ZNF486: variants seen among roughly 807,000 people sequenced by gnomAD.
ZNF486 encodes zinc finger protein 486.
A neutral mutation model predicts 12.8 loss-of-function variants in ZNF486; 12 were observed. That is an observed-to-expected ratio of 0.94 (90% CI 0.60 to 1.52). The LOEUF (loss-of-function observed/expected upper bound fraction) is 1.52, where lower values mean the gene tolerates loss of function less well. Among genes scored for constraint, ZNF486 ranks in the 40% most tolerant of loss-of-function variants. ZNF486 has a pLI of 0.00. For synonymous variants in ZNF486, 231 were observed against 184.9 expected, an observed-to-expected ratio of 1.25 and a Z score of -2.02; for missense variants, 738 against 545.0, an observed-to-expected ratio of 1.35 and a Z score of -3.53.
At chr19:20,178,363 C>T (rs1052514794) in intron 1 of ZNF486, among the ~76,000 whole-genome samples, 4 of 152,208 alleles carry the variant, frequency 2.6e-5, no homozygotes, top group East Asian at 3.9e-4. Flanking sequence ...CCTGCCTCAG[C>T]CTCCTGAATA....
At chr19:20,174,571 G>C (rs1485070649) in intron 1 of ZNF486, among the ~76,000 whole-genome samples, 5 of 151,938 alleles carry the variant, frequency 3.3e-5, no homozygotes, top group African/African-American at 1.2e-4. Flanking sequence ...TGTATTTATA[G>C]TAGAGATGGT....
Position 20,197,115 on chromosome 19 carries a change from C to T in ZNF486, c.405C>T (p.His135=). Residue 135 remains histidine (H), a synonymous_variant, in exon 4 of 4, where the codon CAC becomes CAT. Transcript: ENST00000335117. ...AAAGTGTGGATGAGTGTAAGTTACACAAAAGAGGTTATAATGGACTTAACC... is the reference window on the plus strand; with the variant it reads ...AAAGTGTGGATGAGTGTAAGTTACATAAAAGAGGTTATAATGGACTTAACC... ...GCESVDECKL[H]KRGYNGLNQC... The T allele has an allele frequency of 6.2e-7, 1 of 1,613,708 alleles. No individual in the cohort carries two copies. Among genetic ancestry groups the T allele is most frequent in the Non-Finnish European group, 8.5e-7 (1 of 1,179,916 alleles).
chr19:20,174,556 G>A (rs1599696794), intron 1 of ZNF486, among the ~76,000 whole-genome samples: 1 of 151,888 alleles, frequency 6.6e-6, no homozygotes, highest in Admixed American at 6.6e-5. Context: ...TCCTGGCTAA[G>A]TTTTTGTATT....
At chr19:20,169,969 C>A (rs1012573571) in intron 1 of ZNF486, among the ~76,000 whole-genome samples, 2 of 148,842 alleles carry the variant, frequency 1.3e-5, no homozygotes, top group African/African-American at 5.0e-5. Context: ...CGGCTCACTG[C>A]AAGCTCCGCC....
At chr19:20,189,983 C>T (rs974525172) in intron 3 of ZNF486, among the ~76,000 whole-genome samples, 1 of 152,012 alleles carries the variant, frequency 6.6e-6, no homozygotes. Flanking sequence ...ATTTTTGTAT[C>T]GTTCAAGGAA....
At chr19:20,173,505 C>T (rs1214314593) in intron 1 of ZNF486, among the ~76,000 whole-genome samples, 3 of 152,086 alleles carry the variant, frequency 2.0e-5, no homozygotes, top group Non-Finnish European at 4.4e-5. Context: ...ATGCAAAACT[C>T]AGGTGTCCAA....
chr19:20,175,811 A>G (rs931360556), intron 1 of ZNF486, among the ~76,000 whole-genome samples: 9 of 152,108 alleles, frequency 5.9e-5, no homozygotes, highest in Non-Finnish European at 1.3e-4. Context: ...CAAAACAGCC[A>G]TTGTCATCAT....
Position 20,199,300 on chromosome 19 carries a change from T to G in ZNF486, c.*1198T>G, listed in dbSNP as rs1436895455. The G allele has an allele frequency of 6.6e-6, 1 of 152,214 alleles. No individual in the cohort carries two copies. Among genetic ancestry groups the G allele is most frequent in the Non-Finnish European group, 1.5e-5 (1 of 68,034 alleles). The allele number at this position is 152,214 out of a possible 1,614,324, so 9.4% of individuals were successfully genotyped here. A position where few individuals can be genotyped will look rare whatever the true frequency, so the allele number is the denominator to read the frequency against. The stretch of plus-strand genomic sequence containing the variant: ...ATAAAGAGGTTTGTAGTACCTTTGC[T>G]TGTATTACAGATCTTATTGCCCGCG... On this transcript the variant is annotated 3_prime_UTR_variant, in exon 4 of 4. Coordinates refer to ENST00000335117, the MANE Select transcript of ZNF486 (RefSeq NM_052852.4).
At position 20,167,303 on chromosome 19, in the gene ZNF486, T is replaced by A. The variant is rs782244975; in HGVS notation, c.-28T>A. 2 of 1,614,020 alleles carry A rather than the reference T, an allele frequency of 1.2e-6. No homozygotes were observed. The highest frequency in any genetic ancestry group is 8.5e-7 in the Non-Finnish European group (1 of 1,179,910). ...GCCCACCCTCTGTGGCCCTGTGTCC[T>A]GTAGGTATTGGGAGATCCACAGCCA... On this transcript the variant is annotated 5_prime_UTR_variant, in exon 1 of 4. Coordinates refer to ENST00000335117, the MANE Select transcript of ZNF486 (RefSeq NM_052852.4).
chr19:20,195,594 A>G (rs965575450), intron 3 of ZNF486, among the ~76,000 whole-genome samples: 1 of 152,146 alleles, frequency 6.6e-6, no homozygotes, highest in African/African-American at 2.4e-5. Flanking sequence ...TTTGATAGAG[A>G]TTTGGAAATT....
At chr19:20,169,565 G>A (rs577474391) in intron 1 of ZNF486, among the ~76,000 whole-genome samples, 1 of 152,298 alleles carries the variant, frequency 6.6e-6, no homozygotes, top group East Asian at 1.9e-4. Flanking sequence ...AGATTAAGGT[G>A]AAAGGAAACT....
intron 3 of ZNF486, among the ~76,000 whole-genome samples, chr19:20,192,252 T>C (rs988777459): frequency 6.6e-6 from 1 of 152,180 alleles, no homozygotes; most frequent in African/African-American, 2.4e-5. Flanking sequence ...CAGCATACTG[T>C]ATGCTTTTAA....
At chr19:20,184,625 T>A in intron 2 of ZNF486, 143 bp downstream of exon 2, 1 of 995,310 alleles carries the variant, frequency 1.0e-6, no homozygotes, top group Non-Finnish European at 1.4e-6. Context: ...ATTTGTTTAT[T>A]TAGAAAAGAA....
At chr19:20,170,222 C>T (rs948291787) in intron 1 of ZNF486, among the ~76,000 whole-genome samples, 21 of 151,552 alleles carry the variant, frequency 1.4e-4, no homozygotes, top group African/African-American at 5.1e-4. Context: ...TTGACTCAGA[C>T]TGAGGGTAGC....
At chr19:20,183,227 G>C (rs2089805428) in intron 1 of ZNF486, among the ~76,000 whole-genome samples, 1 of 152,144 alleles carries the variant, frequency 6.6e-6, no homozygotes, top group South Asian at 2.1e-4. Flanking sequence ...GAAAGATGTG[G>C]ATACTCAAGA....
chr19:20,170,386 T>C (rs1473707861), intron 1 of ZNF486, among the ~76,000 whole-genome samples: 1 of 151,824 alleles, frequency 6.6e-6, no homozygotes, highest in African/African-American at 2.4e-5. Flanking sequence ...GCCAACACGG[T>C]GAAAACATGG....
In ZNF486 at chr19:20,168,663, A is replaced by G. The variant is rs1555713355; in HGVS notation, c.30+1303A>G. Among the ~76,000 whole-genome samples the G allele has an allele frequency of 3.3e-5, 5 of 152,208 alleles. No homozygotes were observed. The East Asian group carries it at 7.8e-4, about 24-fold the overall frequency. On this transcript the variant is annotated intron_variant, in intron 1 of 3. Coordinates refer to ENST00000335117, the MANE Select transcript of ZNF486 (RefSeq NM_052852.4). The stretch of plus-strand genomic sequence containing the variant: ...CAGCGAAACTCCGTCTCAAAAAAAA[A>G]AAAAAGTAAGAATCTTAAAATTTTC...
rs550609530 is a variant in ZNF486, at chr19:20,177,818, C to T, written c.31-6538C>T. Among the ~76,000 whole-genome samples, 14 of 152,188 alleles carry T rather than the reference C, an allele frequency of 9.2e-5. No homozygotes were observed. The South Asian group carries it at 1.0e-3, about 11-fold the overall frequency. ...CTCAAACTCTTGACCTCAGGTGATC[C>T]ACCCGCCTCGGCCTCCCAAAGTGCT... On this transcript the variant is annotated intron_variant, in intron 1 of 3. Coordinates refer to ENST00000335117, the MANE Select transcript of ZNF486 (RefSeq NM_052852.4).
intron 1 of ZNF486, among the ~76,000 whole-genome samples, chr19:20,173,790 C>T (rs1269736016): frequency 6.6e-5 from 10 of 151,962 alleles, no homozygotes; most frequent in Admixed American, 5.9e-4. Context: ...TGAGATAGTG[C>T]CACTGCACTC....
Sources: gnomAD v4.1 joint callset for allele counts (sites outside exome capture counted in the v4.1 genomes callset) on GRCh38, gnomAD v4.1.1 for gene constraint, MANE v1.5 for transcripts, NCBI Gene and HGNC (gene_info 2026-07-23, HGNC 2026-07-21) for gene names.